The following PRKAG2 variants were observed in gnomAD, a reference collection of about 807,000 sequenced individuals.
PRKAG2 encodes protein kinase AMP-activated non-catalytic subunit gamma 2.
A neutral mutation model predicts 69.6 loss-of-function variants in PRKAG2; 26 were observed. That is an observed-to-expected ratio of 0.37 (90% CI 0.27 to 0.52). The LOEUF (loss-of-function observed/expected upper bound fraction) is 0.52, where lower values mean the gene tolerates loss of function less well. Ranked by LOEUF, PRKAG2 falls within the 20% of genes least tolerant of loss-of-function variation. The pLI is 0.90. For synonymous variants in PRKAG2, 293 were observed against 285.0 expected, an observed-to-expected ratio of 1.03 and a Z score of -0.28; for missense variants, 557 against 740.0, an observed-to-expected ratio of 0.75 and a Z score of 2.87.
intron 1 of PRKAG2, among the ~76,000 whole-genome samples, chr7:151,808,356 G>T (rs906273894): frequency 6.6e-6 from 1 of 151,994 alleles, no homozygotes; most frequent in Non-Finnish European, 1.5e-5. Flanking sequence ...CTCTCTTCAT[G>T]GGTGAAACTG....
chr7:151,778,376 C>T (rs117152671), intron 3 of PRKAG2, among the ~76,000 whole-genome samples: 1,655 of 152,260 alleles, frequency 0.011, 20 homozygotes, highest in Non-Finnish European at 0.012. Context: ...TGTGCCCTCC[C>T]CAGAAGCAGA....
chr7:151,832,836 C>T lies in PRKAG2; in HGVS notation c.114+43671G>A, dbSNP rs187166998. ...GCCTCCCAGAGACCCCTATCCCAGGCGAGCAGTTAGGACGGTGGCCATTTC... is the reference window on the plus strand; with the variant it reads ...GCCTCCCAGAGACCCCTATCCCAGGTGAGCAGTTAGGACGGTGGCCATTTC... On this transcript the variant is annotated intron_variant, in intron 1 of 15. Transcript: ENST00000287878. Among the ~76,000 whole-genome samples, 94 of 152,250 alleles carry T rather than the reference C, an allele frequency of 6.2e-4. No homozygotes were observed. In the South Asian group the frequency reaches 0.011, roughly 18 times the overall value.
At chr7:151,812,808 C>T (rs2045084460) in intron 1 of PRKAG2, among the ~76,000 whole-genome samples, 1 of 151,956 alleles carries the variant, frequency 6.6e-6, no homozygotes, top group Non-Finnish European at 1.5e-5. Context: ...AGCTGAATCC[C>T]TTTGTGACTT....
At position 151,819,820 on chromosome 7, in the gene PRKAG2, G is replaced by A. The variant is rs555828924; in HGVS notation, c.115-33279C>T. 1.2e-3 allele frequency among the ~76,000 whole-genome samples: 180 copies of A among 152,320 alleles called. No homozygotes were observed. In the South Asian group the frequency reaches 0.022, roughly 19 times the overall value. ...AGAGCCCTCTGTCCAAAGAAGTGCC[G>A]TGTGTACTGAGTGTGCATGCAGCTC... On this transcript the variant is annotated intron_variant, in intron 1 of 15. Transcript: ENST00000287878.
At chr7:151,765,204 A>C (rs920358662) in intron 3 of PRKAG2, among the ~76,000 whole-genome samples, 1 of 152,234 alleles carries the variant, frequency 6.6e-6, no homozygotes, top group African/African-American at 2.4e-5. Context: ...CTCTACAGGA[A>C]GCATGGCTGG....
At chr7:151,818,082 A>C (rs2151861318) in intron 1 of PRKAG2, among the ~76,000 whole-genome samples, 1 of 152,344 alleles carries the variant, frequency 6.6e-6, no homozygotes, top group African/African-American at 2.4e-5. Flanking sequence ...GTACCACCTG[A>C]GTGTGCAGAA....
At chr7:151,716,027 A>C (rs936194180) in intron 3 of PRKAG2, among the ~76,000 whole-genome samples, 3 of 152,184 alleles carry the variant, frequency 2.0e-5, no homozygotes, top group South Asian at 2.1e-4. Flanking sequence ...GGGTGTGTGC[A>C]GGGATGGAGC....
At chr7:151,870,154 T>TAGGCAGGC (rs200063326) in intron 1 of PRKAG2, among the ~76,000 whole-genome samples, 17 of 138,436 alleles carry the variant, frequency 1.2e-4, no homozygotes, top group African/African-American at 4.1e-4. Flanking sequence ...GATAGATAGA[T>TAGGCAGGC]AGGCAGGCAG....
At chr7:151,686,946 A>C (rs963786457) in intron 3 of PRKAG2, among the ~76,000 whole-genome samples, 2 of 152,246 alleles carry the variant, frequency 1.3e-5, no homozygotes, top group African/African-American at 4.8e-5. Context: ...TTAAAAAAAA[A>C]ACTTTCAGGA....
intron 3 of PRKAG2, among the ~76,000 whole-genome samples, chr7:151,688,835 C>G (rs999415606): frequency 5.9e-5 from 9 of 152,110 alleles, no homozygotes; most frequent in African/African-American, 2.2e-4. Context: ...ACTTCGGGGC[C>G]CTTCTAACTC....
chr7:151,826,752 T>G (rs78734226), intron 1 of PRKAG2, among the ~76,000 whole-genome samples: 28,887 of 152,230 alleles, frequency 0.19, 3,318 homozygotes, highest in Middle Eastern at 0.29. Context: ...CTCCATTTAT[T>G]TTTTTCCTTC....
chr7:151,710,297 C>T (rs991726914), intron 3 of PRKAG2, among the ~76,000 whole-genome samples: 35 of 152,284 alleles, frequency 2.3e-4, no homozygotes, highest in African/African-American at 8.2e-4. Context: ...TATCTCAGTG[C>T]GTGGCACCCC....
intron 3 of PRKAG2, among the ~76,000 whole-genome samples, chr7:151,696,051 C>G (rs78443356): frequency 0.014 from 2,105 of 152,272 alleles, 46 homozygotes; most frequent in African/African-American, 0.048. Flanking sequence ...CAGCTAGAAT[C>G]GCCAACACAT....
intron 3 of PRKAG2, among the ~76,000 whole-genome samples, chr7:151,765,591 C>T (rs1055896246): frequency 2.6e-5 from 4 of 152,258 alleles, no homozygotes; most frequent in Non-Finnish European, 5.9e-5. Flanking sequence ...CATCACTGGG[C>T]CTTCTTTTAA....
At chr7:151,604,705 G>T (rs934441688) in intron 5 of PRKAG2, among the ~76,000 whole-genome samples, 1 of 151,756 alleles carries the variant, frequency 6.6e-6, no homozygotes, top group Non-Finnish European at 1.5e-5. Context: ...ACATTATTCA[G>T]ATTTCCTTAT....
At chr7:151,716,527 T>C (rs79728668) in intron 3 of PRKAG2, among the ~76,000 whole-genome samples, 12,958 of 152,182 alleles carry the variant, frequency 0.085, 1,205 homozygotes, top group African/African-American at 0.22. Flanking sequence ...GCCAGCTACA[T>C]ACTTGTTCCC....
intron 3 of PRKAG2, among the ~76,000 whole-genome samples, chr7:151,769,711 C>T (rs1052139332): frequency 6.6e-5 from 10 of 152,162 alleles, no homozygotes; most frequent in Non-Finnish European, 1.5e-5. Flanking sequence ...ACCTGTGGGC[C>T]ATGAAGGCAC....
chr7:151,570,131 T>C, intron 10 of PRKAG2, 40 bp downstream of exon 10: 2 of 1,579,588 alleles, frequency 1.3e-6, no homozygotes, highest in Non-Finnish European at 8.6e-7. Flanking sequence ...AACACATACA[T>C]CTGAATGAAT....
Position 151,818,879 on chromosome 7 carries a change from C to A in PRKAG2, c.115-32338G>T, listed in dbSNP as rs115604963. Among the ~76,000 whole-genome samples the A allele has an allele frequency of 1.7e-3, 257 of 152,354 alleles. 3 individuals carry two copies. Among genetic ancestry groups the A allele is most frequent in the African/African-American group, 6.0e-3 (251 of 41,584 alleles). ...TTACTTTGGAACCTCATTCCTATGA[C>A]AGCTTGAGGCCAGTGCCCTGTACTC... On this transcript the variant is annotated intron_variant, in intron 1 of 15. Transcript: ENST00000287878.
Sources: allele counts gnomAD v4.1 joint callset (sites outside exome capture counted in the v4.1 genomes callset), GRCh38; gene constraint gnomAD v4.1.1; transcripts MANE v1.5; gene names NCBI Gene and HGNC (gene_info 2026-07-23, HGNC 2026-07-21).